The following PDE1C variants were observed in gnomAD, a reference collection of about 807,000 sequenced individuals.
PDE1C encodes the protein dual specificity calcium/calmodulin-dependent 3',5'-cyclic nucleotide phosphodiesterase 1C.
Under a neutral mutation model 93.1 loss-of-function variants are expected in PDE1C, and 62 were observed. That is an observed-to-expected ratio of 0.67 (90% CI 0.54 to 0.82). The LOEUF (loss-of-function observed/expected upper bound fraction) is 0.82, where lower values mean the gene tolerates loss of function less well. PDE1C is among the 40% of genes least tolerant of loss of function. The pLI is 0.00. For missense variants in PDE1C, 742 were observed against 884.6 expected (o/e 0.84, Z 2.04); for synonymous variants, 325 against 310.1 (o/e 1.05, Z -0.50).
At chr7:31,814,191 C>A (rs1003773597) in intron 15 of PDE1C, among the ~76,000 whole-genome samples, 2 of 152,022 alleles carry the variant, frequency 1.3e-5, no homozygotes, top group African/African-American at 4.8e-5. Flanking sequence ...CTGCTATAAA[C>A]ATGTATGTGC....
chr7:31,711,927 G>T, the PDE1C span, among the ~76,000 whole-genome samples: 1 of 152,072 alleles, frequency 6.6e-6, no homozygotes, highest in Non-Finnish European at 1.5e-5. Context: ...CCATGGCTGG[G>T]GACCCTCCTC....
chr7:32,063,918 A>G (rs572362904), intron 1 of PDE1C, among the ~76,000 whole-genome samples: 2 of 152,194 alleles, frequency 1.3e-5, no homozygotes, highest in Non-Finnish European at 2.9e-5. Context: ...TCCTGATGGT[A>G]AGGATTTTCT....
intron 2 of PDE1C, among the ~76,000 whole-genome samples, chr7:32,041,256 G>A (rs76132600): frequency 1.3e-3 from 199 of 152,242 alleles, no homozygotes; most frequent in Non-Finnish European, 2.4e-3. Context: ...CCAGGTTCAC[G>A]ACAGGACTCA....
chr7:31,681,654 G>A, the PDE1C span, among the ~76,000 whole-genome samples: 6 of 152,070 alleles, frequency 3.9e-5, no homozygotes, highest in African/African-American at 1.4e-4. Context: ...GATCCATGCT[G>A]TCTGTTTTTC....
At chr7:32,117,698 C>T (rs1799061042) in intron 3 of PDE1C, among the ~76,000 whole-genome samples, 1 of 152,182 alleles carries the variant, frequency 6.6e-6, no homozygotes. Flanking sequence ...CTTGATCACT[C>T]TGGCTAGAGG....
rs1562695903 is a variant in PDE1C at position 32,374,228 on chromosome 7, GAA to G, written c.310+53592_310+53593del. ...AGAGAGGGAAAGAAAGGGAAAGAAA[GAA>G]AAAGAAAGAAGGAAGGAAAGGAAAG... On this transcript the variant is annotated intron_variant, in intron 1 of 1. Transcript: ENST00000672256. Among the ~76,000 whole-genome samples the G allele has an allele frequency of 2.5e-3, 303 of 121,706 alleles. 1 individual carries two copies. Among genetic ancestry groups the G allele is most frequent in the African/African-American group, 8.8e-3 (286 of 32,608 alleles). 79.8% of individuals were successfully genotyped at this position (121,706 alleles called of 152,430 possible).
intron 2 of PDE1C, among the ~76,000 whole-genome samples, chr7:32,027,065 C>T (rs766922742): frequency 7.9e-5 from 12 of 152,010 alleles, no homozygotes; most frequent in Admixed American, 1.3e-4. Flanking sequence ...AGTGAAATTG[C>T]TTTGTATAAC....
intron 1 of PDE1C, among the ~76,000 whole-genome samples, chr7:32,312,840 A>G (rs1447638852): frequency 6.6e-6 from 1 of 152,244 alleles, no homozygotes; most frequent in African/African-American, 2.4e-5. Flanking sequence ...GGACATAGGC[A>G]TAGGCAAGGA....
intron 15 of PDE1C, among the ~76,000 whole-genome samples, chr7:31,811,609 T>C (rs1400176645): frequency 6.6e-6 from 1 of 152,082 alleles, no homozygotes; most frequent in Non-Finnish European, 1.5e-5. Flanking sequence ...TAGTTCATTC[T>C]TCCCTCAATG....
intron 2 of PDE1C, among the ~76,000 whole-genome samples, chr7:31,923,407 C>T (rs1262497744): frequency 6.6e-6 from 1 of 152,046 alleles, no homozygotes; most frequent in East Asian, 1.9e-4. Flanking sequence ...CCCAAGACAC[C>T]TGCATTTTTA....
the PDE1C span, among the ~76,000 whole-genome samples, chr7:31,639,538 GTTT>G: frequency 7.0e-6 from 1 of 142,514 alleles, no homozygotes. Flanking sequence ...GTTTGTTTTT[GTTT>G]TTTTTTTTTT....
the PDE1C span, among the ~76,000 whole-genome samples, chr7:31,684,753 A>T: frequency 1.3e-5 from 2 of 152,222 alleles, no homozygotes; most frequent in African/African-American, 2.4e-5. Flanking sequence ...ATGGCTTTTT[A>T]AAAATACTGG....
chr7:31,992,831 C>T (rs1457808164), intron 2 of PDE1C, among the ~76,000 whole-genome samples: 1 of 152,126 alleles, frequency 6.6e-6, no homozygotes, highest in Non-Finnish European at 1.5e-5. Context: ...ATAATGATAG[C>T]TTACTAGCAC....
In PDE1C at chr7:31,877,962, C is replaced by A; in HGVS notation, c.492+8G>T. 1 of 1,595,828 alleles carries A rather than the reference C, an allele frequency of 6.3e-7. No homozygotes were observed. Among genetic ancestry groups the A allele is most frequent in the South Asian group, 1.1e-5 (1 of 90,360 alleles). On this transcript the variant is annotated splice_region_variant and intron_variant, in intron 5 of 17. Coordinates refer to ENST00000396191, the MANE Select transcript of PDE1C (RefSeq NM_001191057.4). The stretch of plus-strand genomic sequence containing the variant: ...ATGTACATTGTAAAATCTTTTCACT[C>A]GTATTACCTTTAATGCCTCAATAAC...
rs376056269 is a variant in PDE1C at position 32,319,756 on chromosome 7, AC to A, written c.310+108065del. 2.8e-3 allele frequency among the ~76,000 whole-genome samples: 431 copies of A among 152,294 alleles called. 3 individuals carry two copies. The highest frequency in any genetic ancestry group is 9.7e-3 in the African/African-American group (402 of 41,558). ...TGCACTTTTCTTCTTCCCAACAGCG[AC>A]CGCTCTGGGTATGAAGGCTGAAAAG... On this transcript the variant is annotated intron_variant, in intron 1 of 1. Coordinates refer to the PDE1C transcript ENST00000672256.
At chr7:32,339,245 A>G (rs530275885) in intron 1 of PDE1C, among the ~76,000 whole-genome samples, 2 of 152,324 alleles carry the variant, frequency 1.3e-5, no homozygotes, top group South Asian at 4.1e-4. Context: ...TTTTAGGTTT[A>G]AAAAAATTTA....
At chr7:31,912,247 TTTA>T (rs1801333960) in intron 2 of PDE1C, among the ~76,000 whole-genome samples, 1 of 152,190 alleles carries the variant, frequency 6.6e-6, no homozygotes. Flanking sequence ...ATCTCACAGT[TTTA>T]TTGTCATATA....
intron 2 of PDE1C, among the ~76,000 whole-genome samples, chr7:31,883,070 C>A (rs544887725): frequency 6.6e-6 from 1 of 152,240 alleles, no homozygotes; most frequent in East Asian, 1.9e-4. Context: ...AAAAAATTGT[C>A]CTGGCCATCT....
chr7:32,143,552 G>A (rs573888674), intron 3 of PDE1C, among the ~76,000 whole-genome samples: 3 of 152,022 alleles, frequency 2.0e-5, no homozygotes, highest in African/African-American at 7.2e-5. Flanking sequence ...TGTCTGGGGG[G>A]CTACCATATA....
Sources: gnomAD v4.1 joint callset for allele counts (sites outside exome capture counted in the v4.1 genomes callset) on GRCh38, gnomAD v4.1.1 for gene constraint, MANE v1.5 for transcripts, NCBI Gene and HGNC (gene_info 2026-07-23, HGNC 2026-07-21) for gene names.